TNFSF10: variants seen among roughly 807,000 people sequenced by gnomAD.
TNFSF10 encodes the protein TNF superfamily member 10.
TNFSF10 carries 13 observed loss-of-function variants against 29.5 expected under a neutral mutation model. The ratio of observed to expected loss-of-function variants is 0.44; its 90% CI spans 0.29 to 0.70. The LOEUF is 0.70. Among genes scored for constraint, TNFSF10 ranks in the 30% least tolerant of loss-of-function variants. TNFSF10 has a pLI of 0.13. For synonymous variants in TNFSF10, 111 were observed against 112.8 expected, an observed-to-expected ratio of 0.98 and a Z score of 0.10; for missense variants, 345 against 330.9, an observed-to-expected ratio of 1.04 and a Z score of -0.33.
intron 2 of TNFSF10, among the ~76,000 whole-genome samples, chr3:172,513,877 T>TA (rs1560145889): frequency 1.6e-4 from 24 of 151,976 alleles, no homozygotes; most frequent in African/African-American, 5.6e-4. Context: ...CTTGCTCTGT[T>TA]GCCCAGGCTA....
intron 1 of TNFSF10, among the ~76,000 whole-genome samples, chr3:172,517,164 A>C (rs374915152): frequency 6.6e-6 from 1 of 152,362 alleles, no homozygotes; most frequent in African/African-American, 2.4e-5. Flanking sequence ...CAAGGTGCAG[A>C]GTTGAAAGCT....
At chr3:172,513,205 C>G (rs1284866092) in intron 2 of TNFSF10, among the ~76,000 whole-genome samples, 1 of 152,200 alleles carries the variant, frequency 6.6e-6, no homozygotes, top group African/African-American at 2.4e-5. Flanking sequence ...TATCTCCCCA[C>G]TCCCTGTCCA....
chr3:172,517,923 C>T, intron 1 of TNFSF10: 1 of 985,320 alleles, frequency 1.0e-6, no homozygotes, highest in Non-Finnish European at 1.2e-6. Context: ...AGAGGAAGCC[C>T]CAGTCACTCT....
chr3:172,507,208 A>G (rs1713026794), intron 4 of TNFSF10: 2 of 364,340 alleles, frequency 5.5e-6, no homozygotes, highest in Non-Finnish European at 9.8e-6. Flanking sequence ...ATGGTAGCAC[A>G]AGGGATGGCC....
chr3:172,522,175 T>C, intron 1 of TNFSF10: 1 of 365,016 alleles, frequency 2.7e-6, no homozygotes, highest in South Asian at 2.4e-5. Flanking sequence ...AACCTGCACG[T>C]TCTGTACACG....
At position 172,523,245 on chromosome 3, in the gene TNFSF10, GC is replaced by G. The variant is rs1198862099; in HGVS notation, c.132+7del. The G allele has an allele frequency of 1.2e-6, 2 of 1,612,782 alleles. No homozygotes were observed. The highest frequency in any genetic ancestry group is 1.7e-5 in the Admixed American group (1 of 59,978). On this transcript the variant is annotated splice_region_variant and intron_variant, in intron 1 of 4. Transcript: ENST00000241261. ...CCTCGAAGACTGAGTGCACTGCACT[GC>G]ACTGACCTGCTTCAGCTCGTTGGTA...
intron 1 of TNFSF10, 112 bp downstream of exon 1, chr3:172,523,141 A>G: frequency 7.5e-7 from 1 of 1,339,978 alleles, no homozygotes; most frequent in Non-Finnish European, 1.0e-6. Flanking sequence ...GTGTACCCAC[A>G]GAGAAAGGAA....
rs1471740683 is a variant in TNFSF10, at chr3:172,514,885, C to G, written c.246G>C (p.Trp82Cys). The stretch of plus-strand genomic sequence containing the variant: ...CCTTTCTAACGAGCTGACGGAGTTG[C>G]CACTTGACTTGCCAGCAGGGGCTGT... Reference protein sequence around the residue: ...SMNSPCWQVKWQLRQLVRKMI... With the variant: ...SMNSPCWQVKCQLRQLVRKMI... The change falls in exon 2 of 5, where the codon TGG becomes TGC. Residue 82 changes from tryptophan (W) to cysteine (C), a missense_variant. By Grantham distance (215) the Trp-to-Cys change is radical. Transcript: ENST00000241261. 6.2e-6 allele frequency: 10 copies of G among 1,614,146 alleles called. No homozygotes were observed. Among genetic ancestry groups the G allele is most frequent in the Non-Finnish European group, 8.5e-6 (10 of 1,180,008 alleles).
At chr3:172,519,297 G>A (rs1162500923) in intron 1 of TNFSF10, among the ~76,000 whole-genome samples, 1 of 152,202 alleles carries the variant, frequency 6.6e-6, no homozygotes, top group African/African-American at 2.4e-5. Context: ...AGCCTTATAT[G>A]AAATTTCCAT....
At chr3:172,508,780 T>C (rs555304183) in intron 4 of TNFSF10, among the ~76,000 whole-genome samples, 13 of 152,048 alleles carry the variant, frequency 8.5e-5, no homozygotes, top group African/African-American at 2.7e-4. Context: ...TCCCAGCTAC[T>C]TGGGAGGCTG....
At chr3:172,522,370 G>C in intron 1 of TNFSF10, 2 of 1,359,588 alleles carry the variant, frequency 1.5e-6, no homozygotes, top group Non-Finnish European at 2.1e-6. Context: ...ACAGTAACAA[G>C]GCCCTATTTA....
At chr3:172,515,821 T>C (rs1713406510) in intron 1 of TNFSF10, among the ~76,000 whole-genome samples, 1 of 152,072 alleles carries the variant, frequency 6.6e-6, no homozygotes, top group African/African-American at 2.4e-5. Flanking sequence ...AGGCTGATAA[T>C]TGTTTAATTG....
chr3:172,519,533 C>T (rs1429300320), intron 1 of TNFSF10, among the ~76,000 whole-genome samples: 1 of 152,184 alleles, frequency 6.6e-6, no homozygotes, highest in Non-Finnish European at 1.5e-5. Context: ...AGCAGTATTC[C>T]AGTCTCTCGT....
In TNFSF10 at chr3:172,510,229, G is replaced by T. The variant is rs114196972; in HGVS notation, c.314-908C>A. On this transcript the variant is annotated intron_variant, in intron 3 of 4. Transcript: ENST00000241261. ...AAGTGACAATTTGGAGGCCAAGATG[G>T]GTGGATCACTTAGCCTGAGAGTTTG... is the stretch of plus-strand genomic sequence containing the variant. 9.8e-3 allele frequency among the ~76,000 whole-genome samples: 1,499 copies of T among 152,262 alleles called. 21 individuals carry two copies. Among genetic ancestry groups the T allele is most frequent in the African/African-American group, 0.034 (1,418 of 41,554 alleles).
chr3:172,508,876 TG>T (rs1271091867), intron 4 of TNFSF10, among the ~76,000 whole-genome samples: 1 of 114,616 alleles, frequency 8.7e-6, no homozygotes, highest in Non-Finnish European at 1.8e-5. Flanking sequence ...GCAACAAACG[TG>T]AAACTCTGTC....
intron 2 of TNFSF10, among the ~76,000 whole-genome samples, chr3:172,513,474 G>C (rs534941736): frequency 1.3e-5 from 2 of 152,178 alleles, no homozygotes; most frequent in Non-Finnish European, 2.9e-5. Flanking sequence ...GGGCCCCCCT[G>C]TCTGGAGCAA....
At chr3:172,514,300 ATT>A (rs1457664814) in intron 2 of TNFSF10, among the ~76,000 whole-genome samples, 1 of 152,164 alleles carries the variant, frequency 6.6e-6, no homozygotes, top group African/African-American at 2.4e-5. Context: ...ACTTTTTGTA[ATT>A]TGTTATTTAT....
rs143353036 is a variant in TNFSF10 at position 172,514,892 on chromosome 3, A to G, written c.239T>C (p.Val80Ala). 9.2e-5 allele frequency: 149 copies of G among 1,614,130 alleles called. No homozygotes were observed. The African/African-American group carries it at 1.9e-3, about 20-fold the overall frequency. Residue 80 changes from valine (V) to alanine (A), a missense_variant, in exon 2 of 5, where the codon GTC (valine) becomes GCC (alanine). Physicochemically the swap from Val to Ala is moderately conservative, Grantham distance 64. Transcript: ENST00000241261. The part of the protein sequence containing the change: ...EESMNSPCWQ[V>A]KWQLRQLVRK... ...AACGAGCTGACGGAGTTGCCACTTG[A>G]CTTGCCAGCAGGGGCTGTTCATACT...
chr3:172,513,368 C>T (rs1332709131), intron 2 of TNFSF10, among the ~76,000 whole-genome samples: 6 of 152,190 alleles, frequency 3.9e-5, no homozygotes, highest in African/African-American at 1.4e-4. Context: ...TTCTCCAGCC[C>T]AGGCTTTTCC....
Sources: gnomAD v4.1 joint callset for allele counts (sites outside exome capture counted in the v4.1 genomes callset) on GRCh38, gnomAD v4.1.1 for gene constraint, MANE v1.5 for transcripts, NCBI Gene and HGNC (gene_info 2026-07-23, HGNC 2026-07-21) for gene names.